GOLGB1: variants seen among roughly 807,000 people sequenced by gnomAD.
The protein encoded by GOLGB1 is golgin subfamily B member 1.
GOLGB1 carries 174 observed loss-of-function variants against 336.9 expected under a neutral mutation model. That is an observed-to-expected ratio of 0.52 (90% CI 0.46 to 0.59). The LOEUF (loss-of-function observed/expected upper bound fraction) is 0.59. Ranked by LOEUF, GOLGB1 falls within the 20% of genes least tolerant of loss-of-function variation. GOLGB1 has a pLI of 0.00. For missense variants in GOLGB1, 3,331 were observed against 3,645.3 expected (o/e 0.91, Z 2.22); for synonymous variants, 1,208 against 1,289.2 (o/e 0.94, Z 1.35).
intron 4 of GOLGB1, 96 bp from the exon 5 acceptor site, chr3:121,727,137 A>G: frequency 1.2e-5 from 8 of 658,942 alleles, no homozygotes; most frequent in Non-Finnish European, 1.8e-5. Flanking sequence ...CCATTTAGTT[A>G]TAATTTTATT....
intron 10 of GOLGB1, among the ~76,000 whole-genome samples, chr3:121,704,435 T>C (rs1248105584): frequency 1.3e-5 from 2 of 151,980 alleles, no homozygotes; most frequent in African/African-American, 4.8e-5. Flanking sequence ...TACTGACCAA[T>C]TGTTAGGGAA....
At position 121,667,458 on chromosome 3, in the gene GOLGB1, A is replaced by T; in HGVS notation, c.9554+18T>A. ...AAAGGATCGGAAGGGAACAGAGGCT[A>T]TCTCCTTCAGCCTTTACCGTCTGAT... On this transcript the variant is annotated intron_variant, in intron 20 of 21. Transcript: ENST00000614479. 6.2e-7 allele frequency: 1 copy of T among 1,610,656 alleles called. No individual in the cohort carries two copies. The highest frequency in any genetic ancestry group is 1.1e-5 in the South Asian group (1 of 90,912).
chr3:121,748,539 A>G (rs762332359), intron 1 of GOLGB1, among the ~76,000 whole-genome samples: 4 of 152,150 alleles, frequency 2.6e-5, no homozygotes, highest in Admixed American at 6.5e-5. Flanking sequence ...ACTTTTGAGT[A>G]CTCTTCAACT....
At chr3:121,679,472 T>C (rs1940810474) in intron 15 of GOLGB1, among the ~76,000 whole-genome samples, 1 of 152,198 alleles carries the variant, frequency 6.6e-6, no homozygotes, top group Admixed American at 6.5e-5. Flanking sequence ...CCAAACCGGA[T>C]ACTGGAGAAT....
At chr3:121,744,051 A>T (rs1182944647) in intron 1 of GOLGB1, among the ~76,000 whole-genome samples, 4 of 152,196 alleles carry the variant, frequency 2.6e-5, no homozygotes, top group African/African-American at 9.7e-5. Flanking sequence ...CCTAGAAAGG[A>T]GCGTGCCCAT....
rs1158143247 is a variant in GOLGB1, at chr3:121,695,960, G to A, written c.4563C>T (p.Leu1521=). 1 of 1,613,952 alleles carries A rather than the reference G, an allele frequency of 6.2e-7. No homozygotes were observed. The highest frequency in any genetic ancestry group is 1.1e-5 in the South Asian group (1 of 91,072). The change falls in exon 13 of 22, where the codon CTC becomes CTT. Residue 1521 remains leucine, a synonymous_variant. Transcript: ENST00000614479. The part of the protein sequence containing the change: ...LSLARGTIER[L]TKSLADVESQ... ...TTTCCACATCTGCCAGAGACTTGGT[G>A]AGACGTTCAATGGTACCTCTGGCCA...
intron 9 of GOLGB1, 78 bp from the exon 10 acceptor site, chr3:121,715,054 C>A: frequency 1.3e-6 from 1 of 769,016 alleles, no homozygotes; most frequent in South Asian, 1.5e-5. Flanking sequence ...TAAAGATACA[C>A]TGTATGCTGT....
At chr3:121,683,988 C>A (rs370421272) in intron 14 of GOLGB1, among the ~76,000 whole-genome samples, 5 of 151,466 alleles carry the variant, frequency 3.3e-5, no homozygotes, top group Non-Finnish European at 7.4e-5. Context: ...ATTAGCTGGG[C>A]GTGGTGGCGG....
intron 18 of GOLGB1, chr3:121,668,573 C>G (rs1481152440): frequency 6.5e-6 from 1 of 153,516 alleles, no homozygotes. Context: ...ACTCGGGAGG[C>G]TGAGGCAGAG....
intron 1 of GOLGB1, among the ~76,000 whole-genome samples, chr3:121,747,384 C>CGTATATATATACATATATACAT (rs1947429239): frequency 3.7e-5 from 5 of 136,730 alleles, no homozygotes; most frequent in African/African-American, 1.4e-4. Context: ...TGTCTATATA[C>CGTATATATATACATATATACAT]GTATATATAT....
intron 10 of GOLGB1, among the ~76,000 whole-genome samples, chr3:121,709,244 G>T (rs1944142105): frequency 6.6e-6 from 1 of 152,150 alleles, no homozygotes; most frequent in African/African-American, 2.4e-5. Flanking sequence ...GTCATAGTTG[G>T]AGATTTCAAC....
In GOLGB1 at chr3:121,697,388, A is replaced by G; in HGVS notation, c.3135T>C (p.Asp1045=). The change falls in exon 13 of 22, where the codon GAT becomes GAC. Residue 1045 remains aspartate (D), a synonymous_variant. Transcript: ENST00000614479. ...SETERGEVEE[D]KENKEYSEKC... is the part of the protein sequence containing the mutation. The stretch of plus-strand genomic sequence containing the variant: ...TTTCTGAGTATTCTTTGTTTTCTTT[A>G]TCTTCTTCCACTTCTCCCCTCTCAG... 6.2e-7 allele frequency: 1 copy of G among 1,613,308 alleles called. No homozygotes were observed.
intron 2 of GOLGB1, 119 bp from the exon 3 acceptor site, chr3:121,730,136 T>C: frequency 1.6e-6 from 1 of 626,980 alleles, no homozygotes; most frequent in Non-Finnish European, 2.8e-6. Context: ...AACTTAAGAA[T>C]CTAACTCTGA....
At chr3:121,749,448 A>T (rs1947606950) in intron 1 of GOLGB1, among the ~76,000 whole-genome samples, 184 bp downstream of exon 1, 1 of 152,096 alleles carries the variant, frequency 6.6e-6, no homozygotes, top group Non-Finnish European at 1.5e-5. Flanking sequence ...CTTGTGGGCT[A>T]CTAGAACTAG....
intron 14 of GOLGB1, among the ~76,000 whole-genome samples, chr3:121,683,584 C>G (rs1475267884): frequency 6.6e-6 from 1 of 152,064 alleles, no homozygotes; most frequent in Non-Finnish European, 1.5e-5. Flanking sequence ...TAGACCCTCC[C>G]CTTAAACATG....
chr3:121,747,592 T>C (rs1169213097), intron 1 of GOLGB1, among the ~76,000 whole-genome samples: 2 of 151,732 alleles, frequency 1.3e-5, no homozygotes, highest in Non-Finnish European at 2.9e-5. Flanking sequence ...TTTATACCCA[T>C]GGATATTGAA....
intron 1 of GOLGB1, among the ~76,000 whole-genome samples, chr3:121,738,379 G>A (rs1946629483): frequency 6.6e-6 from 1 of 152,134 alleles, no homozygotes. Context: ...AAGATCCATG[G>A]ACAGCCTTTA....
At chr3:121,729,166 A>T in intron 4 of GOLGB1, 22 bp downstream of exon 4, 2 of 1,570,424 alleles carry the variant, frequency 1.3e-6, no homozygotes, top group Non-Finnish European at 1.7e-6. Flanking sequence ...TAGGAAATAT[A>T]CACTACACCC....
At chr3:121,687,968 G>A (rs1226776491) in intron 14 of GOLGB1, among the ~76,000 whole-genome samples, 1 of 152,084 alleles carries the variant, frequency 6.6e-6, no homozygotes, top group Admixed American at 6.6e-5. Flanking sequence ...TGTGTATGTT[G>A]GAAGTAAAAA....
Sources: allele counts gnomAD v4.1 joint callset (sites outside exome capture counted in the v4.1 genomes callset), GRCh38; gene constraint gnomAD v4.1.1; transcripts MANE v1.5; gene names NCBI Gene and HGNC (gene_info 2026-07-23, HGNC 2026-07-21).